Variants in TSPEAR observed in about 807,000 individuals in gnomAD.
The protein encoded by TSPEAR is thrombospondin type laminin G domain and EAR repeats.
In TSPEAR, 69 loss-of-function variants were observed where a neutral mutation model predicts 71.6. The observed-to-expected ratio is 0.96, with a 90% CI of 0.79 to 1.18. TSPEAR has a LOEUF of 1.18. TSPEAR is among the 50% of genes most tolerant of loss of function. The probability of loss-of-function intolerance (pLI) is 0.00; values close to 1 mark genes in which losing one functional copy is unlikely to be tolerated. For synonymous variants in TSPEAR, 402 were observed against 387.2 expected, an observed-to-expected ratio of 1.04 and a Z score of -0.45; for missense variants, 971 against 894.9, an observed-to-expected ratio of 1.09 and a Z score of -1.09.
intron 1 of TSPEAR, among the ~76,000 whole-genome samples, chr21:44,587,342 G>A (rs1555925821): frequency 6.6e-6 from 1 of 152,178 alleles, no homozygotes; most frequent in Non-Finnish European, 1.5e-5. Flanking sequence ...GGAGGTGAAA[G>A]ACCTCTACAA....
intron 2 of TSPEAR, among the ~76,000 whole-genome samples, chr21:44,566,708 C>T (rs1447338032): frequency 6.6e-6 from 1 of 152,010 alleles, no homozygotes; most frequent in African/African-American, 2.4e-5. Flanking sequence ...GAAATAAACC[C>T]ACCTATCTAT....
intron 8 of TSPEAR, among the ~76,000 whole-genome samples, chr21:44,524,929 A>T (rs1410638070): frequency 2.6e-5 from 4 of 151,276 alleles, no homozygotes; most frequent in African/African-American, 9.8e-5. Flanking sequence ...GTAGTTAGTC[A>T]TTCAGGTAGT....
At chr21:44,525,512 AG>A in intron 8 of TSPEAR, 140 bp downstream of exon 8, 1 of 920,094 alleles carries the variant, frequency 1.1e-6, no homozygotes, top group South Asian at 1.6e-5. Flanking sequence ...CCAGACAGTG[AG>A]GAACGGTCCA....
chr21:44,615,815 T>C (rs1437151155), intron 1 of TSPEAR, among the ~76,000 whole-genome samples: 2 of 152,246 alleles, frequency 1.3e-5, no homozygotes, highest in Non-Finnish European at 2.9e-5. Context: ...GTCTGTGCAC[T>C]GCCCTGGTGA....
chr21:44,627,316 C>T (rs1405548498), intron 1 of TSPEAR: 2 of 1,612,970 alleles, frequency 1.2e-6, no homozygotes, highest in Non-Finnish European at 1.7e-6. Context: ...GGTCTGCACC[C>T]CAGTGAGCCG....
intron 1 of TSPEAR, among the ~76,000 whole-genome samples, chr21:44,707,937 G>C (rs992646851): frequency 1.3e-5 from 2 of 151,622 alleles, no homozygotes; most frequent in Non-Finnish European, 2.9e-5. Flanking sequence ...CGGAGCCCTG[G>C]GGGTCACACA....
chr21:44,666,980 C>T (rs753718211), intron 1 of TSPEAR: 519 of 1,381,586 alleles, frequency 3.8e-4, no homozygotes, highest in Non-Finnish European at 4.9e-4. Flanking sequence ...CAGGCATCCC[C>T]ACAGCACAGA....
chr21:44,519,998 T>C (rs1393682010), intron 9 of TSPEAR: 2 of 152,378 alleles, frequency 1.3e-5, no homozygotes, highest in Non-Finnish European at 2.9e-5. Flanking sequence ...CCCAGTGCAC[T>C]GAGCCTCACT....
intron 1 of TSPEAR, among the ~76,000 whole-genome samples, chr21:44,694,235 A>T (rs1371329461): frequency 4.6e-5 from 7 of 152,280 alleles, no homozygotes; most frequent in Admixed American, 4.6e-4. Flanking sequence ...ATCCATAAAA[A>T]TGAAAGAAGT....
At chr21:44,575,741 C>T (rs782695924) in intron 1 of TSPEAR, among the ~76,000 whole-genome samples, 1 of 152,192 alleles carries the variant, frequency 6.6e-6, no homozygotes. Context: ...TAGTCTTCAT[C>T]GACATTGCCT....
chr21:44,543,520 C>T (rs1167816988), intron 2 of TSPEAR, among the ~76,000 whole-genome samples: 1 of 152,150 alleles, frequency 6.6e-6, no homozygotes, highest in Non-Finnish European at 1.5e-5. Context: ...CCAGAACCTC[C>T]CAATATGACC....
intron 1 of TSPEAR, chr21:44,658,336 C>A: frequency 5.4e-6 from 8 of 1,468,412 alleles, no homozygotes; most frequent in Non-Finnish European, 7.5e-6. Flanking sequence ...CTGGTGGACC[C>A]CCAGATTGCA....
rs782427307 is a variant in TSPEAR, at chr21:44,612,445, A to G, written c.83-44440T>C. On this transcript the variant is annotated intron_variant, in intron 1 of 11. Coordinates refer to ENST00000323084, the MANE Select transcript of TSPEAR (RefSeq NM_144991.3). The surrounding 1 kb of genome is among the most constrained non-coding windows in gnomAD (Gnocchi z 4.1). ...CTTGCTGCACCTCCTCCCCCTGCCA[A>G]CAGGCCTGCTGTGTGCCTGTGTGCT... The G allele has an allele frequency of 4.3e-6, 7 of 1,613,744 alleles. No individual in the cohort carries two copies. The highest frequency in any genetic ancestry group is 3.3e-4 in the Middle Eastern group (2 of 6,062).
intron 1 of TSPEAR, among the ~76,000 whole-genome samples, chr21:44,583,197 G>C (rs1979118729): frequency 6.6e-6 from 1 of 152,106 alleles, no homozygotes; most frequent in South Asian, 2.1e-4. Flanking sequence ...AGTGAGCTGA[G>C]CTGCAGGGAT....
intron 1 of TSPEAR, chr21:44,654,375 C>A (rs781970841): frequency 7.4e-6 from 12 of 1,614,166 alleles, no homozygotes; most frequent in Admixed American, 3.3e-5. Flanking sequence ...AAGCCACACA[C>A]AAAACAGGCT....
At chr21:44,530,748 C>T (rs1442192651) in intron 4 of TSPEAR, among the ~76,000 whole-genome samples, 1 of 152,198 alleles carries the variant, frequency 6.6e-6, no homozygotes, top group Non-Finnish European at 1.5e-5. Flanking sequence ...GCAGGCCCTA[C>T]TGAGGAAAGA....
intron 1 of TSPEAR, among the ~76,000 whole-genome samples, chr21:44,590,753 A>T (rs1555926378): frequency 1.3e-5 from 2 of 151,140 alleles, no homozygotes; most frequent in African/African-American, 4.9e-5. Flanking sequence ...GGGGAGGGTG[A>T]ATGTGGCTCA....
intron 1 of TSPEAR, among the ~76,000 whole-genome samples, chr21:44,610,735 ACACT>A (rs1981609623): frequency 6.6e-6 from 1 of 152,176 alleles, no homozygotes; most frequent in Non-Finnish European, 1.5e-5. Flanking sequence ...AAAGCTGCTG[ACACT>A]CAACACCAGC....
At position 44,558,458 on chromosome 21, in the gene TSPEAR, C is replaced by T. The variant is rs371669251; in HGVS notation, c.303+9327G>A. On this transcript the variant is annotated intron_variant, in intron 2 of 11. Coordinates refer to ENST00000323084, the MANE Select transcript of TSPEAR (RefSeq NM_144991.3). Reference sequence around the variant, plus strand: ...AGGGGGAGGATGTGCAGCAAGCTGGCTGGCAGCTAGACTGCTGGCAGCACG... The same window carrying T: ...AGGGGGAGGATGTGCAGCAAGCTGGTTGGCAGCTAGACTGCTGGCAGCACG... 2.3e-5 allele frequency: 37 copies of T among 1,613,972 alleles called. No homozygotes were observed. The African/African-American group carries it at 3.1e-4, about 13-fold the overall frequency.
Sources: allele counts gnomAD v4.1 joint callset (sites outside exome capture counted in the v4.1 genomes callset), GRCh38; gene constraint gnomAD v4.1.1; non-coding constraint Gnocchi (gnomAD v3.1); transcripts MANE v1.5; gene names NCBI Gene and HGNC (gene_info 2026-07-23, HGNC 2026-07-21).